Variants in CEACAM21 observed in about 807,000 individuals in gnomAD.
CEACAM21 encodes cell adhesion molecule CEACAM21.
In CEACAM21, 38 loss-of-function variants were observed where a neutral mutation model predicts 33.2. The observed-to-expected ratio is 1.14, with a 90% confidence interval of 0.88 to 1.50. The LOEUF (loss-of-function observed/expected upper bound fraction) is 1.50, where lower values mean the gene tolerates loss of function less well. CEACAM21 is among the 40% of genes most tolerant of loss of function. The probability of loss-of-function intolerance (pLI) is 0.00; values close to 1 mark genes in which losing one functional copy is unlikely to be tolerated. For synonymous variants in CEACAM21, 156 were observed against 143.0 expected (o/e 1.09, Z -0.65); for missense variants, 385 against 364.6 (o/e 1.06, Z -0.46).
intron 6 of CEACAM21, 52 bp from the exon 7 acceptor site, chr19:41,586,412 A>T (rs2070739417): frequency 1.1e-5 from 7 of 621,186 alleles, no homozygotes; most frequent in Non-Finnish European, 1.9e-5. Flanking sequence ...GAGATGCCAG[A>T]CCCTGTTCTG....
intron 6 of CEACAM21, 36 bp downstream of exon 6, chr19:41,585,907 G>A (rs782131601): frequency 1.9e-6 from 3 of 1,609,104 alleles, no homozygotes; most frequent in Non-Finnish European, 1.7e-6. Flanking sequence ...TTTCCACTGG[G>A]GCCCCAGCTG....
chr19:41,579,411 C>T lies in CEACAM21; in HGVS notation c.483C>T (p.Ser161=), dbSNP rs566782092. 1.9e-4 allele frequency: 303 copies of T among 1,613,934 alleles called. 3 individuals are homozygous for T. In the South Asian group the frequency reaches 3.1e-3, roughly 17 times the overall value. ...GCACCACAGTCACAGAGAAGGGCTCCGTGGTCCTGACCTGCCACACAAATA... is the reference window on the plus strand; with the variant it reads ...GCACCACAGTCACAGAGAAGGGCTCTGTGGTCCTGACCTGCCACACAAATA... ...ASSTTVTEKG[S]VVLTCHTNNT... The change falls in exon 3 of 7, where the codon TCC becomes TCT. Residue 161 remains serine, a synonymous_variant. Transcript: ENST00000401445.
At chr19:41,554,283 T>G (rs759586988) in intron 1 of CEACAM21, among the ~76,000 whole-genome samples, 2 of 152,068 alleles carry the variant, frequency 1.3e-5, no homozygotes, top group Non-Finnish European at 2.9e-5. Context: ...GCTTTATAGC[T>G]GATTATAAAA....
rs370750766 is a variant in CEACAM21 at position 41,577,560 on chromosome 19, G to A, written c.424+1G>A. 1.9e-6 allele frequency: 3 copies of A among 1,612,970 alleles called. No individual in the cohort carries two copies. Among genetic ancestry groups the A allele is most frequent in the African/African-American group, 1.3e-5 (1 of 74,998 alleles). On this transcript the variant is annotated splice_donor_variant, in intron 2 of 6. Coordinates refer to ENST00000401445, the MANE Select transcript of CEACAM21 (RefSeq NM_001098506.4). LOFTEE classifies it high-confidence loss of function. The stretch of plus-strand genomic sequence containing the variant: ...GCATCTCACCATCTCCGTGTATACG[G>A]TGAGTGATTCCTCCGTGCCTCTGGG...
chr19:41,570,896 G>A (rs1213012375), intron 2 of CEACAM21, among the ~76,000 whole-genome samples: 1 of 152,148 alleles, frequency 6.6e-6, no homozygotes, highest in Non-Finnish European at 1.5e-5. Context: ...TCAGGTGGAG[G>A]GGACTGAGGT....
intron 1 of CEACAM21, among the ~76,000 whole-genome samples, chr19:41,563,990 T>C (rs12150975): frequency 0.42 from 63,454 of 152,142 alleles, 17,072 homozygotes; most frequent in African/African-American, 0.77. Context: ...AGGCACCAAG[T>C]ATCTGAATCT....
intron 2 of CEACAM21, 30 bp downstream of exon 2, chr19:41,577,589 T>C: frequency 1.2e-6 from 2 of 1,609,880 alleles, no homozygotes; most frequent in Non-Finnish European, 1.7e-6. Flanking sequence ...CTCTGGGTGT[T>C]GGGGGTCAGT....
chr19:41,583,803 G>A (rs906439070), intron 3 of CEACAM21, among the ~76,000 whole-genome samples: 1 of 152,202 alleles, frequency 6.6e-6, no homozygotes, highest in Non-Finnish European at 1.5e-5. Context: ...TGAGATTTGG[G>A]TGGGGATACA....
chr19:41,581,862 A>G (rs2043415072), intron 3 of CEACAM21, among the ~76,000 whole-genome samples: 1 of 152,190 alleles, frequency 6.6e-6, no homozygotes, highest in African/African-American at 2.4e-5. Flanking sequence ...GAAGAGCCAA[A>G]CCATGTCATT....
intron 4 of CEACAM21, 66 bp from the exon 5 acceptor site, chr19:41,585,377 C>G: frequency 1.9e-6 from 3 of 1,546,430 alleles, no homozygotes; most frequent in Non-Finnish European, 2.7e-6. Context: ...TTCCTGGTCC[C>G]CTATTTTAAC....
intron 3 of CEACAM21, among the ~76,000 whole-genome samples, chr19:41,582,506 G>A (rs1285143173): frequency 6.6e-6 from 1 of 152,206 alleles, no homozygotes; most frequent in Non-Finnish European, 1.5e-5. Context: ...TTCTCCATGA[G>A]GGCTCTGCTT....
intron 3 of CEACAM21, among the ~76,000 whole-genome samples, chr19:41,581,805 C>T (rs1271655038): frequency 6.6e-6 from 1 of 152,170 alleles, no homozygotes. Context: ...TGGGTCCTTC[C>T]CCCAACACGT....
chr19:41,568,565 G>C (rs2042409961), intron 2 of CEACAM21, among the ~76,000 whole-genome samples: 1 of 152,186 alleles, frequency 6.6e-6, no homozygotes, highest in South Asian at 2.1e-4. Context: ...TTGTGTGCAT[G>C]TGGCTCCTTG....
chr19:41,584,618 C>T (rs530489352), intron 4 of CEACAM21, among the ~76,000 whole-genome samples, 175 bp downstream of exon 4: 1 of 152,190 alleles, frequency 6.6e-6, no homozygotes, highest in African/African-American at 2.4e-5. Flanking sequence ...TGGGCTGCTT[C>T]CTCAACAGCT....
At chr19:41,581,883 C>A (rs2043419232) in intron 3 of CEACAM21, among the ~76,000 whole-genome samples, 1 of 152,152 alleles carries the variant, frequency 6.6e-6, no homozygotes, top group Admixed American at 6.5e-5. Flanking sequence ...CCACCCGACC[C>A]CTCCCAAATC....
At chr19:41,573,306 TCTTAC>T (rs782806264), upstream of CEACAM21, among the ~76,000 whole-genome samples, 3 of 152,310 alleles carry the variant, frequency 2.0e-5, no homozygotes, top group Non-Finnish European at 4.4e-5. Flanking sequence ...ACTCGGGGCC[TCTTAC>T]CTTCCTCCAG....
chr19:41,584,512 T>C (rs2070569881), intron 4 of CEACAM21, 69 bp downstream of exon 4: 1 of 1,390,214 alleles, frequency 7.2e-7, no homozygotes, highest in Non-Finnish European at 1.0e-6. Context: ...AAGGAGACCC[T>C]GTCTTGTATT....
At chr19:41,585,744 C>T (rs2070690289) in intron 5 of CEACAM21, 96 bp from the exon 6 acceptor site, 3 of 1,322,814 alleles carry the variant, frequency 2.3e-6, no homozygotes, top group Non-Finnish European at 3.2e-6. Flanking sequence ...GGCTCCCTCT[C>T]CCCAATTCTC....
chr19:41,572,717 C>A (rs553281134), upstream of CEACAM21, among the ~76,000 whole-genome samples: 1 of 152,298 alleles, frequency 6.6e-6, no homozygotes, highest in South Asian at 2.1e-4. Flanking sequence ...AGCATGTGCA[C>A]TGTGAGCATA....
Sources: gnomAD v4.1 joint callset for allele counts (sites outside exome capture counted in the v4.1 genomes callset) on GRCh38, gnomAD v4.1.1 for gene constraint, MANE v1.5 for transcripts, NCBI Gene and HGNC (gene_info 2026-07-23, HGNC 2026-07-21) for gene names.